The following SLC36A1 variants were observed in gnomAD, a reference collection of about 807,000 sequenced individuals.
The protein encoded by SLC36A1 is solute carrier family 36 member 1.
In SLC36A1, 30 loss-of-function variants were observed where a neutral mutation model predicts 47.5. The ratio of observed to expected loss-of-function variants is 0.63; its 90% confidence interval spans 0.47 to 0.86. SLC36A1 has a LOEUF of 0.86. Ranked by LOEUF, SLC36A1 falls within the 40% of genes least tolerant of loss-of-function variation. The probability of loss-of-function intolerance (pLI) is 0.00; values close to 1 mark genes in which losing one functional copy is unlikely to be tolerated. For synonymous variants in SLC36A1, 255 were observed against 249.7 expected (o/e 1.02, Z -0.20); for missense variants, 517 against 606.0 (o/e 0.85, Z 1.54).
the SLC36A1 span, chr5:151,382,445 C>G: frequency 1.7e-6 from 1 of 582,254 alleles, no homozygotes; most frequent in Non-Finnish European, 3.0e-6. Context: ...TGTTAGTCTT[C>G]TAGCATAGAA....
At chr5:151,465,475 A>T (rs978864380) in intron 5 of SLC36A1, among the ~76,000 whole-genome samples, 1 of 152,250 alleles carries the variant, frequency 6.6e-6, no homozygotes, top group East Asian at 1.9e-4. Flanking sequence ...TGTTCAACAA[A>T]TGTATTTAAG....
At position 151,479,353 on chromosome 5, in the gene SLC36A1, C is replaced by T. The variant is rs760158519; in HGVS notation, c.1023C>T (p.Ile341=). ...AGTCAGTTAAGCTGCTGTACTCCAT[C>T]GGGATCTTTTTCACCTACGCACTCC... ...LYQSVKLLYS[I]GIFFTYALQF... is the part of the protein sequence containing the mutation. Residue 341 remains isoleucine (I), a synonymous_variant, in exon 10 of 11, where the codon ATC becomes ATT. Transcript: ENST00000243389. The T allele has an allele frequency of 1.6e-5, 26 of 1,614,052 alleles. No individual in the cohort carries two copies. The highest frequency in any genetic ancestry group is 1.6e-4 in the Middle Eastern group (1 of 6,084).
At chr5:151,543,554 C>T in the SLC36A1 span, 1 of 1,614,164 alleles carries the variant, frequency 6.2e-7, no homozygotes, top group Non-Finnish European at 8.5e-7. Context: ...TTCTCACTTG[C>T]TAGTTTATTG....
At chr5:151,468,266 A>AAAAATATATATATATATATATAT (rs55642458) in intron 7 of SLC36A1, among the ~76,000 whole-genome samples, 1 of 63,818 alleles carries the variant, frequency 1.6e-5, no homozygotes, top group African/African-American at 8.8e-5. Context: ...AAAAAAAAAA[A>AAAAATATATATATATATATATAT]ATATATATAT....
intron 1 of SLC36A1, among the ~76,000 whole-genome samples, chr5:151,455,568 TCG>T (rs1477629066): frequency 2.0e-5 from 3 of 152,242 alleles, no homozygotes. Context: ...GAGAGGTTTC[TCG>T]GTTGCTAGGG....
the SLC36A1 span, among the ~76,000 whole-genome samples, chr5:151,362,509 G>A: frequency 1.3e-5 from 2 of 151,162 alleles, no homozygotes; most frequent in African/African-American, 4.9e-5. Context: ...TCCTGCCTCA[G>A]CCTCCCGAAT....
At chr5:151,468,266 AATATAT>A (rs1554113501) in intron 7 of SLC36A1, among the ~76,000 whole-genome samples, 24 of 63,812 alleles carry the variant, frequency 3.8e-4, no homozygotes, top group African/African-American at 1.8e-3. Flanking sequence ...AAAAAAAAAA[AATATAT>A]ATATATATAT....
Position 151,463,634 on chromosome 5 carries a change from AG to A in SLC36A1, c.227del (p.Gly76AlafsTer3). 1.2e-6 allele frequency: 2 copies of A among 1,614,018 alleles called. No individual in the cohort carries two copies. The highest frequency in any genetic ancestry group is 1.7e-6 in the Non-Finnish European group (2 of 1,179,870). ...LGLPLAVKNAGIVMGPISLLI... is the reference protein window; with the variant it reads ...LGLPLAVKNAXIVMGPISLLI... ...GACTCCCTCTGGCGGTGAAAAATGC[AG>A]GCATCGTGGTAAGGGTCTGCATCAG... is the stretch of plus-strand genomic sequence containing the variant. On this transcript the variant is annotated frameshift_variant, in exon 3 of 11. Transcript: ENST00000243389. LOFTEE classifies it high-confidence loss of function.
intron 10 of SLC36A1, 80 bp downstream of exon 10, chr5:151,479,569 T>C (rs1018434928): frequency 6.5e-6 from 10 of 1,526,786 alleles, no homozygotes; most frequent in Non-Finnish European, 8.9e-6. Context: ...GAAAAGACAA[T>C]GTGTGTTGTA....
the SLC36A1 span, among the ~76,000 whole-genome samples, chr5:151,539,479 T>C: frequency 6.6e-6 from 1 of 152,260 alleles, no homozygotes; most frequent in Non-Finnish European, 1.5e-5. Flanking sequence ...TATAGGTATA[T>C]GCTTATATGT....
the SLC36A1 span, among the ~76,000 whole-genome samples, chr5:151,370,768 G>C: frequency 1.3e-5 from 2 of 152,102 alleles, no homozygotes; most frequent in Non-Finnish European, 2.9e-5. Flanking sequence ...TGAGGCGGGC[G>C]GATCTGTTGA....
downstream of SLC36A1, among the ~76,000 whole-genome samples, chr5:151,494,953 A>G (rs986881124): frequency 3.3e-5 from 5 of 152,216 alleles, no homozygotes; most frequent in East Asian, 1.9e-4. Flanking sequence ...TAAAGCTGCT[A>G]TAAATACTCA....
chr5:151,381,827 C>T, the SLC36A1 span, among the ~76,000 whole-genome samples: 1 of 152,284 alleles, frequency 6.6e-6, no homozygotes, highest in East Asian at 1.9e-4. Context: ...TTAAAAACTG[C>T]CCCTAAATGC....
chr5:151,451,459 A>G (rs963212904), intron 1 of SLC36A1, among the ~76,000 whole-genome samples: 13 of 152,152 alleles, frequency 8.5e-5, no homozygotes, highest in Admixed American at 7.9e-4. Context: ...TGTTCATGTC[A>G]CTTAGATCAC....
chr5:151,410,248 A>G, the SLC36A1 span, among the ~76,000 whole-genome samples: 60 of 140,026 alleles, frequency 4.3e-4, no homozygotes, highest in African/African-American at 1.5e-3. Context: ...AGGATATTCA[A>G]TATGTATTTG....
chr5:151,511,222 C>G, the SLC36A1 span: 2 of 152,080 alleles, frequency 1.3e-5, no homozygotes, highest in African/African-American at 4.8e-5. Flanking sequence ...ACATGATTAG[C>G]CAGACAAAAA....
At chr5:151,524,474 G>A in the SLC36A1 span, among the ~76,000 whole-genome samples, 1 of 152,148 alleles carries the variant, frequency 6.6e-6, no homozygotes, top group Non-Finnish European at 1.5e-5. Flanking sequence ...CTGCCATTCA[G>A]AAGAGGGCAC....
At chr5:151,477,973 T>C (rs910420153) in intron 9 of SLC36A1, among the ~76,000 whole-genome samples, 3 of 152,202 alleles carry the variant, frequency 2.0e-5, no homozygotes, top group Admixed American at 2.0e-4. Context: ...CAGGTGTCAC[T>C]CTCCTAAGTC....
At chr5:151,535,071 A>G in the SLC36A1 span, among the ~76,000 whole-genome samples, 4 of 150,456 alleles carry the variant, frequency 2.7e-5, no homozygotes, top group South Asian at 2.1e-4. Context: ...AGCACTGTTT[A>G]TAATAGCAAC....
Sources: gnomAD v4.1 joint callset for allele counts (sites outside exome capture counted in the v4.1 genomes callset) on GRCh38, gnomAD v4.1.1 for gene constraint, MANE v1.5 for transcripts, NCBI Gene and HGNC (gene_info 2026-07-23, HGNC 2026-07-21) for gene names.